PRICKLE2: variants seen among roughly 807,000 people sequenced by gnomAD.
The protein encoded by PRICKLE2 is prickle-like protein 2.
A neutral mutation model predicts 81.4 loss-of-function variants in PRICKLE2; 21 were observed. The observed-to-expected ratio is 0.26, with a 90% CI of 0.18 to 0.37. PRICKLE2 has a LOEUF of 0.37. Among genes scored for constraint, PRICKLE2 ranks in the 10% least tolerant of loss-of-function variants. PRICKLE2 has a pLI of 1.00. For synonymous variants in PRICKLE2, 456 were observed against 421.5 expected, an observed-to-expected ratio of 1.08 and a Z score of -1.00; for missense variants, 940 against 1,109.0, an observed-to-expected ratio of 0.85 and a Z score of 2.16.
chr3:64,169,865 T>C (rs945963395), intron 2 of PRICKLE2, among the ~76,000 whole-genome samples: 16 of 152,054 alleles, frequency 1.1e-4, no homozygotes, highest in African/African-American at 3.9e-4. Flanking sequence ...AGAAGGCAGG[T>C]TGTACAGAGA....
At chr3:64,263,710 G>C (rs1347554290) in intron 2 of PRICKLE2, among the ~76,000 whole-genome samples, 1 of 152,170 alleles carries the variant, frequency 6.6e-6, no homozygotes, top group Non-Finnish European at 1.5e-5. Context: ...CTACATCCAG[G>C]TAGAAAGGGC....
intron 7 of PRICKLE2, among the ~76,000 whole-genome samples, chr3:64,138,633 T>C (rs1312121261): frequency 6.6e-6 from 1 of 152,192 alleles, no homozygotes. Context: ...AAAATTTTGT[T>C]TACACCCATT....
rs1267838906 is a variant in PRICKLE2 at position 64,215,241 on chromosome 3, C to T, written c.-41+9669G>A. ...TACTCTATTCCCCATCTTGTTCCAG[C>T]CTCAGCAGTCTTTATTTGTCCTTTG... On this transcript the variant is annotated intron_variant, in intron 1 of 7. Coordinates refer to ENST00000638394, the MANE Select transcript of PRICKLE2 (RefSeq NM_198859.4). Among the ~76,000 whole-genome samples, 4 of 152,154 alleles carry T rather than the reference C, an allele frequency of 2.6e-5. No individual in the cohort carries two copies. The East Asian group carries it at 7.7e-4, about 29-fold the overall frequency.
intron 2 of PRICKLE2, among the ~76,000 whole-genome samples, chr3:64,175,755 TA>T (rs35887374): frequency 8.5e-5 from 13 of 152,224 alleles, no homozygotes; most frequent in African/African-American, 3.1e-4. Context: ...TAAAATGTAA[TA>T]AAAATAAACA....
chr3:64,116,349 G>C (rs888931243), intron 7 of PRICKLE2, among the ~76,000 whole-genome samples: 2 of 151,890 alleles, frequency 1.3e-5, no homozygotes, highest in Non-Finnish European at 2.9e-5. Context: ...ATCAAAATTA[G>C]GGCTGAACTG....
intron 2 of PRICKLE2, among the ~76,000 whole-genome samples, chr3:64,263,418 G>C (rs917377793): frequency 6.6e-6 from 1 of 152,182 alleles, no homozygotes; most frequent in Non-Finnish European, 1.5e-5. Context: ...GTGCCCCAAA[G>C]ACTAGGAGAA....
At chr3:64,111,507 G>A (rs1363028039) in intron 7 of PRICKLE2, among the ~76,000 whole-genome samples, 5 of 152,182 alleles carry the variant, frequency 3.3e-5, no homozygotes, top group African/African-American at 9.7e-5. Context: ...GGGGCAGGAG[G>A]CAGAGAGAAG....
At chr3:64,132,978 G>T (rs1048011159) in intron 7 of PRICKLE2, among the ~76,000 whole-genome samples, 1 of 152,154 alleles carries the variant, frequency 6.6e-6, no homozygotes, top group Non-Finnish European at 1.5e-5. Flanking sequence ...GGTAGGAGTG[G>T]GAATGGAAAT....
At chr3:64,184,676 T>C (rs916606232) in intron 2 of PRICKLE2, among the ~76,000 whole-genome samples, 1 of 152,134 alleles carries the variant, frequency 6.6e-6, no homozygotes, top group Non-Finnish European at 1.5e-5. Flanking sequence ...CTCGCTATGC[T>C]GCCCAGGCTG....
intron 2 of PRICKLE2, among the ~76,000 whole-genome samples, chr3:64,245,769 CT>C (rs2079340465): frequency 6.6e-6 from 1 of 152,130 alleles, no homozygotes; most frequent in African/African-American, 2.4e-5. Context: ...GGTTTGAAAT[CT>C]ACATTTAGTC....
intron 1 of PRICKLE2, among the ~76,000 whole-genome samples, chr3:64,202,730 T>C (rs962348602): frequency 3.3e-5 from 5 of 151,880 alleles, no homozygotes; most frequent in Middle Eastern, 3.2e-3. Flanking sequence ...AGAGTTTTAC[T>C]TTTTCCTTTT....
At chr3:64,173,871 C>G (rs940887397) in intron 2 of PRICKLE2, among the ~76,000 whole-genome samples, 8 of 152,186 alleles carry the variant, frequency 5.3e-5, no homozygotes, top group Non-Finnish European at 1.0e-4. Flanking sequence ...TTTCTCTAAA[C>G]CACGCTTTTC....
intron 7 of PRICKLE2, among the ~76,000 whole-genome samples, chr3:64,104,126 A>T (rs2076715320): frequency 6.6e-6 from 1 of 152,264 alleles, no homozygotes; most frequent in Non-Finnish European, 1.5e-5. Flanking sequence ...TCCTGGGATA[A>T]CTGTCAGGGC....
At chr3:64,143,431 A>T (rs1483189158) in intron 7 of PRICKLE2, among the ~76,000 whole-genome samples, 1 of 152,096 alleles carries the variant, frequency 6.6e-6, no homozygotes, top group African/African-American at 2.4e-5. Context: ...CATGAGAGTA[A>T]ATCTCCCATG....
chr3:64,134,128 T>TGCA (rs2077240605), intron 7 of PRICKLE2, among the ~76,000 whole-genome samples: 1 of 152,212 alleles, frequency 6.6e-6, no homozygotes, highest in South Asian at 2.1e-4. Context: ...GCAGCCCCAC[T>TGCA]GCAGCAGACA....
At chr3:64,122,667 A>T (rs2106970141) in intron 7 of PRICKLE2, among the ~76,000 whole-genome samples, 1 of 152,264 alleles carries the variant, frequency 6.6e-6, no homozygotes, top group South Asian at 2.1e-4. Context: ...AGGTGTGAGG[A>T]TTCTGTGACC....
chr3:64,135,921 C>T (rs181564645), intron 7 of PRICKLE2, among the ~76,000 whole-genome samples: 4 of 152,222 alleles, frequency 2.6e-5, no homozygotes, highest in Non-Finnish European at 5.9e-5. Context: ...GATTCTAGAG[C>T]GGAAACAGGT....
rs539946783 is a variant in PRICKLE2 at position 64,134,588 on chromosome 3, C to T, written c.1660+12242G>A. On this transcript the variant is annotated intron_variant, in intron 7 of 7. Coordinates refer to ENST00000638394, the MANE Select transcript of PRICKLE2 (RefSeq NM_198859.4). ...CCAGACGCCTGTAGTGTCCTGCACC[C>T]CCAGTTATTACAACCAAAAATGCCT... 7.8e-5 allele frequency among the ~76,000 whole-genome samples: 11 copies of T among 141,686 alleles called. No individual in the cohort carries two copies. In the South Asian group the frequency reaches 2.4e-3, roughly 31 times the overall value. The allele number at this position is 141,686 out of a possible 152,430, so 93.0% of individuals were successfully genotyped here.
chr3:64,255,890 T>C (rs1163313591), intron 2 of PRICKLE2, among the ~76,000 whole-genome samples: 1 of 152,160 alleles, frequency 6.6e-6, no homozygotes, highest in Non-Finnish European at 1.5e-5. Flanking sequence ...CCTGCCTTTT[T>C]TCTTCTTGTT....
Sources: allele counts gnomAD v4.1 joint callset (sites outside exome capture counted in the v4.1 genomes callset), GRCh38; gene constraint gnomAD v4.1.1; transcripts MANE v1.5; gene names NCBI Gene and HGNC (gene_info 2026-07-23, HGNC 2026-07-21).